Variants in ACER3 observed in about 807,000 individuals in gnomAD.
ACER3 encodes the protein alkCDase 3.
In ACER3, 16 loss-of-function variants were observed where a neutral mutation model predicts 48.9. That is an observed-to-expected ratio of 0.33 (90% CI 0.22 to 0.50). The LOEUF is 0.50. Ranked by LOEUF, ACER3 falls within the 20% of genes least tolerant of loss-of-function variation. ACER3 has a pLI of 0.98. For missense variants in ACER3, 227 were observed against 326.0 expected, an observed-to-expected ratio of 0.70 and a Z score of 2.34; for synonymous variants, 109 against 107.8, an observed-to-expected ratio of 1.01 and a Z score of -0.07.
chr11:76,985,747 C>T lies in ACER3; in HGVS notation c.402+23C>T, dbSNP rs761091992. On this transcript the variant is annotated intron_variant, in intron 5 of 10. Coordinates refer to ENST00000532485, the MANE Select transcript of ACER3 (RefSeq NM_018367.7). ...ACAGTAAGTCATATTTTGTTTCTAA[C>T]AGATTAAGCATGTAAATTCACCATT... 3 of 1,349,916 alleles carry T rather than the reference C, an allele frequency of 2.2e-6. No individual in the cohort carries two copies. In the East Asian group the frequency reaches 7.7e-5, roughly 35 times the overall value. 83.6% of individuals were successfully genotyped at this position (1,349,916 alleles called of 1,614,324 possible).
intron 3 of ACER3, among the ~76,000 whole-genome samples, chr11:76,961,018 C>T (rs551481415): frequency 2.0e-5 from 3 of 152,110 alleles, no homozygotes; most frequent in South Asian, 2.1e-4. Flanking sequence ...CAAGCAGAGT[C>T]GAGAGGCTGT....
chr11:76,924,949 C>A (rs1174199719), intron 1 of ACER3, among the ~76,000 whole-genome samples: 1 of 117,760 alleles, frequency 8.5e-6, no homozygotes, highest in African/African-American at 3.1e-5. Flanking sequence ...GCACTCCAGC[C>A]TGGGCAACAG....
chr11:77,026,423 CAT>C lies in ACER3; in HGVS notation c.*6097_*6098del, dbSNP rs1346129985. On this transcript the variant is annotated 3_prime_UTR_variant, in exon 11 of 11. Coordinates refer to ENST00000532485, the MANE Select transcript of ACER3 (RefSeq NM_018367.7). ...ATTATCTATTTTTGCTTAATGGACTCATGTGGCATTGTTCACTATCATGCCTT... is the reference window on the plus strand; with the variant it reads ...ATTATCTATTTTTGCTTAATGGACTCGTGGCATTGTTCACTATCATGCCTT... 1.1e-4 allele frequency: 16 copies of C among 152,206 alleles called. No individual in the cohort carries two copies. The highest frequency in any genetic ancestry group is 2.0e-4 in the Admixed American group (3 of 15,276). The allele number at this position is 152,206 out of a possible 1,614,324, so 9.4% of individuals were successfully genotyped here. A position where few individuals can be genotyped will look rare whatever the true frequency, so the allele number is the denominator to read the frequency against.
chr11:76,939,225 A>G (rs1433964323), intron 2 of ACER3, among the ~76,000 whole-genome samples: 3 of 152,224 alleles, frequency 2.0e-5, no homozygotes, highest in Non-Finnish European at 4.4e-5. Flanking sequence ...CAGTGAATAT[A>G]AAACTATTTG....
intron 2 of ACER3, among the ~76,000 whole-genome samples, chr11:76,942,910 T>C (rs970336907): frequency 6.6e-6 from 1 of 151,966 alleles, no homozygotes; most frequent in South Asian, 2.1e-4. Flanking sequence ...CTGGTTTAGT[T>C]TGGGGAGGTT....
Position 76,969,555 on chromosome 11 carries a change from A to G in ACER3, c.268-6734A>G, listed in dbSNP as rs996358082. On this transcript the variant is annotated intron_variant, in intron 3 of 10. Transcript: ENST00000532485. ...GACTTGGAACCAACCTAAATGTCCA[A>G]CAGTGATAGACTGGATTAAGAAAAT... Among the ~76,000 whole-genome samples the G allele has an allele frequency of 5.3e-5, 8 of 151,968 alleles. No homozygotes were observed. In the South Asian group the frequency reaches 1.2e-3, roughly 24 times the overall value.
chr11:76,954,611 CT>C (rs11406980), intron 2 of ACER3, among the ~76,000 whole-genome samples: 1 of 145,036 alleles, frequency 6.9e-6, no homozygotes, highest in Admixed American at 6.8e-5. Flanking sequence ...TTGTTTTTTG[CT>C]TTTTTTTTGA....
chr11:77,020,277 C>A lies in ACER3; in HGVS notation c.754C>A (p.Leu252Ile). ...YLRYRPKVKFLFGIWPVILFE... is the reference protein window; with the variant it reads ...YLRYRPKVKFIFGIWPVILFE... ...GTCCTAATTTGTCCCCAAACAGTTTCTCTTTGGAATCTGGCCAGTGATCCT... is the reference window on the plus strand; with the variant it reads ...GTCCTAATTTGTCCCCAAACAGTTTATCTTTGGAATCTGGCCAGTGATCCT... Residue 252 changes from leucine (L) to isoleucine (I), a missense_variant, in exon 11 of 11, where the codon CTC (leucine) becomes ATC (isoleucine). This residue lies in a region of ACER3 where 195 missense variants were observed against 290.8 expected (regional missense o/e 0.67). Coordinates refer to ENST00000532485, the MANE Select transcript of ACER3 (RefSeq NM_018367.7). 6.2e-7 allele frequency: 1 copy of A among 1,613,742 alleles called. No individual in the cohort carries two copies. Among genetic ancestry groups the A allele is most frequent in the Non-Finnish European group, 8.5e-7 (1 of 1,179,882 alleles).
chr11:76,872,045 T>G (rs1171643745), intron 1 of ACER3, among the ~76,000 whole-genome samples: 1 of 56,796 alleles, frequency 1.8e-5, no homozygotes, highest in Non-Finnish European at 3.6e-5. Flanking sequence ...CCCCCATTCA[T>G]CCCCCAACTT....
At chr11:77,000,914 A>C (rs1555019657) in intron 7 of ACER3, among the ~76,000 whole-genome samples, 1 of 152,116 alleles carries the variant, frequency 6.6e-6, no homozygotes, top group African/African-American at 2.4e-5. Flanking sequence ...TTCCATATAA[A>C]GTTTAGAATA....
intron 2 of ACER3, among the ~76,000 whole-genome samples, chr11:76,957,146 C>G (rs901420026): frequency 6.6e-6 from 1 of 152,166 alleles, no homozygotes. Context: ...TTCTGTTTAT[C>G]TGCCTGTCTC....
At chr11:76,875,528 A>G (rs1424259032) in intron 1 of ACER3, among the ~76,000 whole-genome samples, 3 of 151,856 alleles carry the variant, frequency 2.0e-5, no homozygotes, top group Non-Finnish European at 4.4e-5. Context: ...ATTTTATTAC[A>G]CTTGTTTTTA....
intron 2 of ACER3, among the ~76,000 whole-genome samples, chr11:76,929,522 G>A (rs373591292): frequency 1.3e-5 from 2 of 152,202 alleles, no homozygotes; most frequent in Admixed American, 6.5e-5. Flanking sequence ...GTGAGAGAGG[G>A]CATCCCTGTC....
rs555759351 is a variant in ACER3 at position 76,890,339 on chromosome 11, G to T, written c.103+29260G>T. ...TAGAGAACTTTTTGGCTTTAACGCT[G>T]TATCCCCAGCATTTAGCGCAGAGTC... On this transcript the variant is annotated intron_variant, in intron 1 of 10. Transcript: ENST00000532485. Among the ~76,000 whole-genome samples the T allele has an allele frequency of 1.4e-3, 208 of 152,226 alleles. 1 individual carries two copies. Among genetic ancestry groups the T allele is most frequent in the African/African-American group, 4.7e-3 (196 of 41,522 alleles).
At chr11:76,903,558 T>G (rs1946139709) in intron 1 of ACER3, among the ~76,000 whole-genome samples, 1 of 150,032 alleles carries the variant, frequency 6.7e-6, no homozygotes, top group South Asian at 2.1e-4. Flanking sequence ...AGGTCTGACA[T>G]GTCTGCTTAT....
At chr11:77,010,160 C>T (rs1949231878) in intron 7 of ACER3, among the ~76,000 whole-genome samples, 1 of 112,206 alleles carries the variant, frequency 8.9e-6, no homozygotes, top group East Asian at 2.8e-4. Flanking sequence ...CTGTCTCTAC[C>T]AGAAATAATA....
At chr11:76,915,351 C>G (rs1017253450) in intron 1 of ACER3, among the ~76,000 whole-genome samples, 4 of 152,044 alleles carry the variant, frequency 2.6e-5, no homozygotes, top group African/African-American at 7.2e-5. Flanking sequence ...TTTCCTTACC[C>G]TTTGGAATTG....
At chr11:76,976,523 C>T (rs1173434040) in intron 4 of ACER3, among the ~76,000 whole-genome samples, 182 bp downstream of exon 4, 1 of 152,020 alleles carries the variant, frequency 6.6e-6, no homozygotes, top group Admixed American at 6.6e-5. Flanking sequence ...TGTTTATTAA[C>T]TTTTGTGATC....
intron 1 of ACER3, among the ~76,000 whole-genome samples, chr11:76,876,134 A>T (rs998761377): frequency 6.6e-6 from 1 of 152,188 alleles, no homozygotes; most frequent in Admixed American, 6.5e-5. Flanking sequence ...CTGGATTTTG[A>T]GAAATGCATA....
Sources: gnomAD v4.1 joint callset for allele counts (sites outside exome capture counted in the v4.1 genomes callset) on GRCh38, gnomAD v4.1.1 for gene constraint, gnomAD v4.1.1 regional missense constraint, MANE v1.5 for transcripts, NCBI Gene and HGNC (gene_info 2026-07-23, HGNC 2026-07-21) for gene names.